The following GBP7 variants were observed in gnomAD, a reference collection of about 807,000 sequenced individuals.
The protein encoded by GBP7 is guanylate-binding protein 7.
Under a neutral mutation model 61.3 loss-of-function variants are expected in GBP7, and 43 were observed. The observed-to-expected ratio is 0.70, with a 90% confidence interval of 0.55 to 0.91. The LOEUF (loss-of-function observed/expected upper bound fraction) is 0.91. GBP7 is among the 40% of genes least tolerant of loss of function. GBP7 has a pLI of 0.00. For synonymous variants in GBP7, 267 were observed against 271.0 expected, an observed-to-expected ratio of 0.99 and a Z score of 0.14; for missense variants, 717 against 740.5, an observed-to-expected ratio of 0.97 and a Z score of 0.37.
chr1:89,165,512 A>AG (rs1369536905), intron 2 of GBP7, among the ~76,000 whole-genome samples: 1 of 137,126 alleles, frequency 7.3e-6, no homozygotes, highest in African/African-American at 3.0e-5. Context: ...AAAAAAAAGA[A>AG]AAAAAAAAAA....
chr1:89,152,174 C>T (rs906913513), intron 5 of GBP7, 94 bp downstream of exon 5: 90 of 1,072,986 alleles, frequency 8.4e-5, no homozygotes, highest in Non-Finnish European at 1.9e-5. Context: ...TCAATCCAGT[C>T]CAATATAAAA....
chr1:89,134,473 C>T (rs541596392), intron 9 of GBP7, among the ~76,000 whole-genome samples: 22 of 152,248 alleles, frequency 1.4e-4, no homozygotes, highest in Non-Finnish European at 2.8e-4. Context: ...GCAAGTTGGC[C>T]CCTGCAGCAC....
At chr1:89,172,199 G>T (rs886595517) in intron 1 of GBP7, among the ~76,000 whole-genome samples, 1 of 152,082 alleles carries the variant, frequency 6.6e-6, no homozygotes, top group East Asian at 1.9e-4. Flanking sequence ...CCACTTCCCT[G>T]GCTTCCCCTA....
intron 3 of GBP7, among the ~76,000 whole-genome samples, chr1:89,160,751 C>G (rs1315348145): frequency 6.6e-6 from 1 of 151,996 alleles, no homozygotes; most frequent in Non-Finnish European, 1.5e-5. Flanking sequence ...TGCTTAAAAA[C>G]AACACTTAAA....
intron 7 of GBP7, 37 bp downstream of exon 7, chr1:89,149,255 G>A: frequency 6.5e-7 from 1 of 1,548,388 alleles, no homozygotes; most frequent in Non-Finnish European, 8.7e-7. Context: ...ATTCCAGAAA[G>A]GCAGGAATCA....
chr1:89,132,477 ATTAG>A (rs1681704025), intron 10 of GBP7, 74 bp from the exon 11 acceptor site: 1 of 1,119,810 alleles, frequency 8.9e-7, no homozygotes, highest in African/African-American at 1.6e-5. Flanking sequence ...TAACAATTTC[ATTAG>A]TTAAACATGT....
intron 3 of GBP7, 56 bp from the exon 4 acceptor site, chr1:89,152,833 A>C: frequency 7.1e-7 from 1 of 1,401,718 alleles, no homozygotes; most frequent in Non-Finnish European, 9.8e-7. Context: ...ATACATCTCA[A>C]GGTCAACTAC....
intron 10 of GBP7, among the ~76,000 whole-genome samples, chr1:89,132,953 T>C (rs1316076692): frequency 2.0e-5 from 3 of 152,210 alleles, no homozygotes; most frequent in African/African-American, 7.2e-5. Flanking sequence ...CCAAGAATCC[T>C]AAGGGCTGGT....
At position 89,152,427 on chromosome 1, in the gene GBP7, A is replaced by AT; in HGVS notation, c.465dup (p.Ser156IlefsTer6). On this transcript the variant is annotated frameshift_variant, in exon 5 of 11. Coordinates refer to ENST00000294671, the MANE Select transcript of GBP7 (RefSeq NM_207398.3). LOFTEE classifies it high-confidence loss of function. ...TCAACTTCATCAGGTCTGGGGCACGATTTTGCCCTGATTAGCTCTGTTAGC... is the reference window on the plus strand; with the variant it reads ...TCAACTTCATCAGGTCTGGGGCACGATTTTTGCCCTGATTAGCTCTGTTAGC... 1 of 1,614,140 alleles carries AT rather than the reference A, an allele frequency of 6.2e-7. No individual in the cohort carries two copies. The highest frequency in any genetic ancestry group is 8.5e-7 in the Non-Finnish European group (1 of 1,180,020).
At chr1:89,148,965 A>G (rs185164966) in intron 7 of GBP7, among the ~76,000 whole-genome samples, 1 of 152,248 alleles carries the variant, frequency 6.6e-6, no homozygotes, top group East Asian at 1.9e-4. Flanking sequence ...ATTAACATAT[A>G]TATTAACTCA....
intron 8 of GBP7, among the ~76,000 whole-genome samples, chr1:89,143,555 A>T (rs114931721): frequency 0.016 from 2,457 of 152,258 alleles, 55 homozygotes; most frequent in African/African-American, 0.055. Flanking sequence ...AGTTCGGGGT[A>T]ATTTATAAAG....
Position 89,147,696 on chromosome 1 carries a change from C to A in GBP7, c.1236G>T (p.Arg412=). The A allele has an allele frequency of 6.2e-7, 1 of 1,614,202 alleles. No homozygotes were observed. The highest frequency in any genetic ancestry group is 1.1e-5 in the South Asian group (1 of 91,084). The stretch of plus-strand genomic sequence containing the variant: ...TACTTTCTGTCAAGAGCTCTGAAAG[C>A]CGCTTAAGCTCAGCCTGACAATATT... ...SAKYCQAELK[R]LSELLTESIS... is the part of the protein sequence containing the mutation. Residue 412 remains arginine, a synonymous_variant, in exon 8 of 11, where the codon CGG becomes CGT. Transcript: ENST00000294671.
At chr1:89,137,338 C>T (rs1316469381) in intron 9 of GBP7, among the ~76,000 whole-genome samples, 1 of 152,006 alleles carries the variant, frequency 6.6e-6, no homozygotes, top group Admixed American at 6.6e-5. Context: ...AAAAACCTGG[C>T]AGAGACACAA....
intron 5 of GBP7, among the ~76,000 whole-genome samples, chr1:89,151,176 A>G (rs1297230893): frequency 6.6e-6 from 1 of 152,106 alleles, no homozygotes; most frequent in Non-Finnish European, 1.5e-5. Context: ...TATAACTTCA[A>G]GTTTGTACCC....
chr1:89,159,111 A>AAAC (rs1682378307), intron 3 of GBP7, among the ~76,000 whole-genome samples: 1 of 152,224 alleles, frequency 6.6e-6, no homozygotes, highest in Non-Finnish European at 1.5e-5. Flanking sequence ...AGAAATGGGG[A>AAAC]AAGGATTCCC....
At chr1:89,157,379 A>G (rs1030556007) in intron 3 of GBP7, among the ~76,000 whole-genome samples, 15 of 152,210 alleles carry the variant, frequency 9.9e-5, no homozygotes, top group Non-Finnish European at 4.4e-5. Flanking sequence ...GGAGATAGAG[A>G]CACAAAAAAA....
In GBP7 at chr1:89,149,523, C is replaced by A; in HGVS notation, c.921G>T (p.Ala307=). The change falls in exon 7 of 11, where the codon GCG becomes GCT. Residue 307 remains alanine, a synonymous_variant. Transcript: ENST00000294671. ...ETYLDAINSG[A]TPCLENAMAV... ...CCATTGCATTCTCCAGACAAGGAGT[C>A]GCTCCACTGTTGATGGCATCCAGGT... is the stretch of plus-strand genomic sequence containing the variant. The A allele has an allele frequency of 6.2e-7, 1 of 1,614,132 alleles. No individual in the cohort carries two copies. The highest frequency in any genetic ancestry group is 1.1e-5 in the South Asian group (1 of 91,080).
At chr1:89,141,700 T>C (rs1681955712) in intron 8 of GBP7, 52 bp from the exon 9 acceptor site, 1 of 1,383,872 alleles carries the variant, frequency 7.2e-7, no homozygotes, top group African/African-American at 1.4e-5. Context: ...AATCTTGTCT[T>C]GTGATGAGGA....
chr1:89,158,631 T>TA (rs1452250603), intron 3 of GBP7, among the ~76,000 whole-genome samples: 1 of 151,974 alleles, frequency 6.6e-6, no homozygotes, highest in Non-Finnish European at 1.5e-5. Context: ...GAGAATAAAA[T>TA]ACCTAGGAAT....
Sources: allele counts gnomAD v4.1 joint callset (sites outside exome capture counted in the v4.1 genomes callset), GRCh38; gene constraint gnomAD v4.1.1; transcripts MANE v1.5; gene names NCBI Gene and HGNC (gene_info 2026-07-23, HGNC 2026-07-21).